Variants in HUWE1 observed in about 807,000 individuals in gnomAD.
HUWE1 encodes the protein HECT, UBA and WWE domain containing E3 ubiquitin protein ligase 1.
A neutral mutation model predicts 299.4 loss-of-function variants in HUWE1; 18 were observed. The observed-to-expected ratio is 0.06, with a 90% CI of 0.04 to 0.09. The LOEUF (loss-of-function observed/expected upper bound fraction) is 0.09. Among genes scored for constraint, HUWE1 ranks in the 10% least tolerant of loss-of-function variants. HUWE1 has a pLI of 1.00. For synonymous variants in HUWE1, 1,317 were observed against 1,286.1 expected, an observed-to-expected ratio of 1.02 and a Z score of -0.51; for missense variants, 1,832 against 3,462.3, an observed-to-expected ratio of 0.53 and a Z score of 11.82.
intron 41 of HUWE1, 26 bp from the exon 42 acceptor site, chrX:53,583,942 T>C (rs782776753): frequency 9.0e-7 from 1 of 1,108,517 alleles, no homozygotes; most frequent in Non-Finnish European, 1.2e-6. Flanking sequence ...ATAACAGTTT[T>C]AGACAGTTTA....
chrX:53,634,421 A>G, intron 7 of HUWE1, 123 bp from the exon 8 acceptor site: 1 of 529,155 alleles, frequency 1.9e-6, no homozygotes. Flanking sequence ...ACACATACAT[A>G]TATATATTTA....
chrX:53,594,958 CTA>C (rs1169468982), intron 30 of HUWE1, among the ~76,000 whole-genome samples: 1 of 111,462 alleles, frequency 9.0e-6, no homozygotes, highest in African/African-American at 3.3e-5. Context: ...GGGATACTAC[CTA>C]TATAAGACCA....
intron 12 of HUWE1, 116 bp downstream of exon 12, chrX:53,630,819 A>G (rs1451821962): frequency 1.2e-5 from 6 of 509,383 alleles, no homozygotes; most frequent in Non-Finnish European, 2.1e-5. Context: ...GAAGTATTTA[A>G]GTTGCTACCT....
chrX:53,566,133 G>GTGTGTATGTA (rs782815282), intron 49 of HUWE1, among the ~76,000 whole-genome samples: 1 of 38,989 alleles, frequency 2.6e-5, no homozygotes, highest in Non-Finnish European at 4.7e-5. Context: ...GTGTGTGTGT[G>GTGTGTATGTA]TATATATATA....
chrX:53,662,511 T>G (rs1557045966), intron 3 of HUWE1, among the ~76,000 whole-genome samples: 1 of 111,639 alleles, frequency 9.0e-6, no homozygotes, highest in Non-Finnish European at 1.9e-5. Flanking sequence ...CCACTGTAAT[T>G]TTTCTATTAT....
chrX:53,635,299 A>G (rs2035583778), intron 7 of HUWE1, among the ~76,000 whole-genome samples: 1 of 110,177 alleles, frequency 9.1e-6, no homozygotes, highest in African/African-American at 3.3e-5. Flanking sequence ...AAAATTATAT[A>G]TATGTAGCTA....
Position 53,547,708 on chromosome X carries a change from A to G in HUWE1, c.10601T>C (p.Val3534Ala). The G allele has an allele frequency of 8.3e-7, 1 of 1,209,398 alleles. No individual in the cohort carries two copies. Among genetic ancestry groups the G allele is most frequent in the Non-Finnish European group, 1.1e-6 (1 of 894,207 alleles). ...AGTGGTAGCAGTCGTGGGGGTAGTC[A>G]CTGTGGTCGAAGCAGCTACGACAAT... is the stretch of plus-strand genomic sequence containing the variant. The part of the protein sequence containing the change: ...STIVVAASTT[V>A]TTPTTATTTV... The change falls in exon 68 of 84, where the codon GTG (valine) becomes GCG (alanine). Residue 3534 changes from valine to alanine, a missense_variant. By Grantham distance (64) the Val-to-Ala change is moderately conservative. Coordinates refer to ENST00000262854, the MANE Select transcript of HUWE1 (RefSeq NM_031407.7).
chrX:53,572,191 AAG>A (rs1214812961), intron 47 of HUWE1, among the ~76,000 whole-genome samples: 1 of 111,817 alleles, frequency 8.9e-6, no homozygotes, highest in African/African-American at 3.3e-5. Context: ...CCAGGCAAAA[AAG>A]AGAGTACATT....
intron 7 of HUWE1, among the ~76,000 whole-genome samples, chrX:53,634,827 G>GCCA (rs1235207612): frequency 1.8e-5 from 2 of 112,014 alleles, no homozygotes; most frequent in Admixed American, 1.9e-4. Flanking sequence ...ACTGTACTTT[G>GCCA]CCACTCAAAT....
intron 4 of HUWE1, among the ~76,000 whole-genome samples, chrX:53,650,150 T>C (rs1054363438): frequency 8.9e-6 from 1 of 112,220 alleles, no homozygotes; most frequent in African/African-American, 3.2e-5. Flanking sequence ...ACTAACACTT[T>C]AGTGGTTCCC....
Position 53,562,864 on chromosome X carries a change from T to C in HUWE1, c.7171A>G (p.Ser2391Gly), listed in dbSNP as rs368185508. The C allele has an allele frequency of 1.1e-4, 129 of 1,209,459 alleles. No individual in the cohort carries two copies. The highest frequency in any genetic ancestry group is 1.4e-4 in the Non-Finnish European group (122 of 894,950). Residue 2391 changes from serine (S) to glycine (G), a missense_variant, in exon 53 of 84, where the codon AGC (serine) becomes GGC (glycine). By Grantham distance (56) the Ser-to-Gly change is moderately conservative. Transcript: ENST00000262854. ...VLMDEAPSNLSQASTLQANRE... is the reference protein window; with the variant it reads ...VLMDEAPSNLGQASTLQANRE... The stretch of plus-strand genomic sequence containing the variant: ...TTGGCCTGCAAGGTGGAAGCTTGGC[T>C]GAGGTTGGAAGGAGCTTCATCCATC...
In HUWE1 at chrX:53,548,166, G is replaced by A. The variant is rs374047462; in HGVS notation, c.10143C>T (p.Ser3381=). ...ACSPCSSQSS[S]SGICTDFWDL... ...CCCAGAAGTCTGTGCAAATGCCACT[G>A]CTGGAGGACTGTGAGGAGCATGGGC... The change falls in exon 68 of 84, where the codon AGC becomes AGT. Residue 3381 remains serine (S), a synonymous_variant. Transcript: ENST00000262854. 1.7e-6 allele frequency: 2 copies of A among 1,209,103 alleles called. No homozygotes were observed. The highest frequency in any genetic ancestry group is 3.5e-5 in the African/African-American group (2 of 57,870).
At chrX:53,534,786 G>C (rs1435202839) in intron 81 of HUWE1, 89 bp from the exon 82 acceptor site, 1 of 813,365 alleles carries the variant, frequency 1.2e-6, no homozygotes, top group African/African-American at 2.0e-5. Flanking sequence ...ATCTACCACT[G>C]TTAGCTGGGA....
At chrX:53,683,929 T>C (rs1367329668) in intron 2 of HUWE1, 11 of 268,625 alleles carry the variant, frequency 4.1e-5, no homozygotes, top group African/African-American at 2.6e-4. Flanking sequence ...GCGAGAATTC[T>C]CCGGCTTAGA....
At chrX:53,679,479 G>C (rs2070016181) in intron 3 of HUWE1, among the ~76,000 whole-genome samples, 1 of 111,830 alleles carries the variant, frequency 8.9e-6, no homozygotes, top group South Asian at 3.7e-4. Flanking sequence ...CCATTGAGGG[G>C]GGCAGTGGTT....
Position 53,654,066 on chromosome X carries a change from C to T in HUWE1, c.42G>A (p.Glu14=), listed in dbSNP as rs781883348. 1 of 1,178,359 alleles carries T rather than the reference C, an allele frequency of 8.5e-7. No individual in the cohort carries two copies. Among genetic ancestry groups the T allele is most frequent in the Non-Finnish European group, 1.2e-6 (1 of 866,368 alleles). The stretch of plus-strand genomic sequence containing the variant: ...AAGTAAACTTTTGGATACTTACAGC[C>T]TCAGTAGGTGTCTTCTTCAGTTTAG... ...DRTKLKKTPT[E]APADCRALID... The change falls in exon 4 of 84, where the codon GAG becomes GAA. Residue 14 remains glutamate, a synonymous_variant. Coordinates refer to ENST00000262854, the MANE Select transcript of HUWE1 (RefSeq NM_031407.7).
chrX:53,649,428 C>G (rs1320651977), intron 4 of HUWE1, among the ~76,000 whole-genome samples: 1 of 112,018 alleles, frequency 8.9e-6, no homozygotes, highest in African/African-American at 3.3e-5. Context: ...TCCAGCAATG[C>G]TGTCGTGAGA....
chrX:53,580,402 A>G (rs1041898411), intron 43 of HUWE1, among the ~76,000 whole-genome samples: 1 of 112,293 alleles, frequency 8.9e-6, no homozygotes, highest in Non-Finnish European at 1.9e-5. Context: ...AACATCTCAC[A>G]ATTTGTATTT....
intron 3 of HUWE1, among the ~76,000 whole-genome samples, chrX:53,659,824 C>T (rs1393108510): frequency 1.8e-5 from 2 of 111,437 alleles, no homozygotes; most frequent in Non-Finnish European, 3.8e-5. Flanking sequence ...ACCTTCTGCT[C>T]GATTTTGCTG....
Sources: gnomAD v4.1 joint callset for allele counts (sites outside exome capture counted in the v4.1 genomes callset) on GRCh38, gnomAD v4.1.1 for gene constraint, MANE v1.5 for transcripts, NCBI Gene and HGNC (gene_info 2026-07-23, HGNC 2026-07-21) for gene names.